Variants in ABCA2 observed in about 807,000 individuals in gnomAD.
ABCA2 encodes ATP-binding cassette sub-family A member 2.
ABCA2 carries 84 observed loss-of-function variants against 262.8 expected under a neutral mutation model. The observed-to-expected ratio is 0.32, with a 90% CI of 0.27 to 0.38. ABCA2 has a LOEUF of 0.38. ABCA2 is among the 10% of genes least tolerant of loss of function. The pLI, the probability that ABCA2 is intolerant of heterozygous loss-of-function variation, is 1.00. For missense variants in ABCA2, 2,662 were observed against 3,405.9 expected (o/e 0.78, Z 5.44); for synonymous variants, 1,696 against 1,502.9 (o/e 1.13, Z -2.97).
chr9:137,016,119 G>T lies in ABCA2; in HGVS notation c.3160C>A (p.His1054Asn), dbSNP rs776095869. The T allele has an allele frequency of 5.0e-6, 8 of 1,612,884 alleles. No homozygotes were observed. The highest frequency in any genetic ancestry group is 6.8e-6 in the Non-Finnish European group (8 of 1,180,016). The change falls in exon 22 of 49, where the codon CAC becomes AAC. Residue 1054 changes from histidine (H) to asparagine (N), a missense_variant. His to Asn is a moderately conservative substitution (Grantham distance 68). Around this residue, in one of 12 missense-constraint regions of ABCA2, gnomAD observed 180 missense variants for 307.3 expected, o/e 0.59. Transcript: ENST00000341511. ...PTSGSATIYG[H>N]DIRTEMDEIR... ...TCATCCATCTCCGTGCGGATGTCGT[G>T]CCCGTAGATGGTGGCGGAACCCGAC...
At chr9:137,028,622 C>T, upstream of ABCA2, 1 of 1,088,062 alleles carries the variant, frequency 9.2e-7, no homozygotes, top group Non-Finnish European at 1.1e-6. The surrounding 1 kb of genome is among the most constrained non-coding windows in gnomAD (Gnocchi z 6.9). Flanking sequence ...GTCCCCGGGG[C>T]GCGCCGAGCG....
intron 44 of ABCA2, 39 bp downstream of exon 44, chr9:137,009,502 T>A: frequency 7.0e-7 from 1 of 1,428,388 alleles, no homozygotes; most frequent in Admixed American, 1.7e-5. Flanking sequence ...AGGGGTGCTG[T>A]GGGGTGGGGG....
In ABCA2 at chr9:137,009,967, C is replaced by A; in HGVS notation, c.6495+16G>T. 11 of 1,594,650 alleles carry A rather than the reference C, an allele frequency of 6.9e-6. No individual in the cohort carries two copies. Among genetic ancestry groups the A allele is most frequent in the Non-Finnish European group, 9.4e-6 (11 of 1,169,370 alleles). On this transcript the variant is annotated intron_variant, in intron 42 of 48. Transcript: ENST00000341511. ...CCCAGCGTGCTGACTCCCTGCCCCGCCCCACAGATCCTCACCCGGGCCTCG... is the reference window on the plus strand; with the variant it reads ...CCCAGCGTGCTGACTCCCTGCCCCGACCCACAGATCCTCACCCGGGCCTCG...
chr9:137,020,233 T>C, intron 10 of ABCA2, 103 bp downstream of exon 10: 1 of 1,507,878 alleles, frequency 6.6e-7, no homozygotes, highest in Non-Finnish European at 9.1e-7. Flanking sequence ...CCCGTACCCC[T>C]CCCGTGTCAA....
At chr9:137,010,446 C>T (rs867093314) in intron 40 of ABCA2, 75 bp from the exon 41 acceptor site, 19 of 1,507,590 alleles carry the variant, frequency 1.3e-5, no homozygotes, top group Non-Finnish European at 1.7e-5. Context: ...CACCCAGACC[C>T]TGCCCCACCT....
chr9:137,012,122 G>C lies in ABCA2; in HGVS notation c.5340C>G (p.Ala1780=), dbSNP rs568344046. The part of the protein sequence containing the change: ...VTNHPMNKTS[A]SLSLDYLLQG... ...CTTACAGGTAATCCAGGGAGAGGCT[G>C]GCGCTGGTCTTATTCATGGGGTGGT... is the stretch of plus-strand genomic sequence containing the variant. The change falls in exon 34 of 49, where the codon GCC becomes GCG. Residue 1780 remains alanine, a synonymous_variant. Transcript: ENST00000341511. 1 of 1,612,624 alleles carries C rather than the reference G, an allele frequency of 6.2e-7. No individual in the cohort carries two copies. The highest frequency in any genetic ancestry group is 1.7e-5 in the Admixed American group (1 of 60,024).
chr9:137,014,937 C>T lies in ABCA2; in HGVS notation c.3858G>A (p.Lys1286=). The change falls in exon 25 of 49, where the codon AAG becomes AAA. Residue 1286 remains lysine (K), a synonymous_variant. Transcript: ENST00000341511. ...CCTGGAAGAGGCGCTCGAAAGCCCCCTTCTTGGCGGCCTCGCTGGGCAGGA... is the reference window on the plus strand; with the variant it reads ...CCTGGAAGAGGCGCTCGAAAGCCCCTTTCTTGGCGGCCTCGCTGGGCAGGA... ...SYILPSEAAK[K]GAFERLFQHL... is the part of the protein sequence containing the mutation. 2 of 1,566,622 alleles carry T rather than the reference C, an allele frequency of 1.3e-6. No individual in the cohort carries two copies. Among genetic ancestry groups the T allele is most frequent in the Non-Finnish European group, 8.7e-7 (1 of 1,153,238 alleles).
chr9:137,014,564 G>T, intron 26 of ABCA2, 126 bp downstream of exon 26: 1 of 1,481,572 alleles, frequency 6.7e-7, no homozygotes. Flanking sequence ...GCTAACCCCG[G>T]GGCGTCCCCT....
At chr9:137,015,218 A>G (rs1322229515) in intron 24 of ABCA2, 121 bp from the exon 25 acceptor site, 4 of 1,269,796 alleles carry the variant, frequency 3.2e-6, no homozygotes, top group Non-Finnish European at 4.3e-6. Context: ...CCCAGCAGGT[A>G]TCCTGGGCCC....
intron 10 of ABCA2, 68 bp downstream of exon 10, chr9:137,020,268 G>GGTCCCAGGC (rs780597871): frequency 8.1e-6 from 13 of 1,596,294 alleles, no homozygotes; most frequent in Non-Finnish European, 8.5e-6. Flanking sequence ...TCTGCCCAGG[G>GGTCCCAGGC]GTCCCAGGCC....
chr9:137,023,442 G>A, intron 3 of ABCA2: 1 of 713,204 alleles, frequency 1.4e-6, no homozygotes, highest in Non-Finnish European at 2.6e-6. Context: ...CTGACCTCTG[G>A]CCAGCTGGTT....
In ABCA2 at chr9:137,021,154, GAC is replaced by G. The variant is rs1831441364; in HGVS notation, c.898-95_898-94del. The G allele has an allele frequency of 7.0e-7, 1 of 1,427,792 alleles. No homozygotes were observed. The highest frequency in any genetic ancestry group is 9.2e-7 in the Non-Finnish European group (1 of 1,090,938). The allele number at this position is 1,427,792 out of a possible 1,614,324, so 88.4% of individuals were successfully genotyped here. Reference sequence around the variant, plus strand: ...TGGAGCAGGGAGACAGCAGCAGGGAGACACAAGCTAGGGGTGCTGGGAGGGAG... The same window carrying G: ...TGGAGCAGGGAGACAGCAGCAGGGAGACAAGCTAGGGGTGCTGGGAGGGAG... On this transcript the variant is annotated intron_variant, in intron 8 of 48. Coordinates refer to ENST00000341511, the MANE Select transcript of ABCA2 (RefSeq NM_001606.5). The surrounding 1 kb of genome is among the most constrained non-coding windows in gnomAD (Gnocchi z 6.0).
chr9:137,019,424 C>CATT lies in ABCA2; in HGVS notation c.1426-119_1426-118insAAT. On this transcript the variant is annotated intron_variant, in intron 10 of 48. Transcript: ENST00000341511. The surrounding 1 kb of genome is among the most constrained non-coding windows in gnomAD (Gnocchi z 4.4). ...ATTGCCAACAACTAACCCTCCCCAC[C>CATT]TTTTTTTTTTTTTTTTTCCTGAGAC... 1 of 906,380 alleles carries CATT rather than the reference C, an allele frequency of 1.1e-6. No individual in the cohort carries two copies. The highest frequency in any genetic ancestry group is 1.6e-6 in the Non-Finnish European group (1 of 638,556). The allele number at this position is 906,380 out of a possible 1,614,324, so 56.1% of individuals were successfully genotyped here. A position where few individuals can be genotyped will look rare whatever the true frequency, so the allele number is the denominator to read the frequency against.
chr9:137,028,775 A>G (rs1831755047), upstream of ABCA2: 1 of 1,288,548 alleles, frequency 7.8e-7, no homozygotes, highest in Non-Finnish European at 1.0e-6. The surrounding 1 kb of genome is among the most constrained non-coding windows in gnomAD (Gnocchi z 6.9). Context: ...CAGCCAGCGG[A>G]AGGGGGGAAA....
At chr9:137,023,726 G>C (rs1245860796) in intron 3 of ABCA2, 112 bp downstream of exon 3, 2 of 708,032 alleles carry the variant, frequency 2.8e-6, no homozygotes, top group Non-Finnish European at 5.3e-6. Flanking sequence ...GGCCGGCAGG[G>C]GGCCCGGGAG....
intron 17 of ABCA2, 75 bp from the exon 18 acceptor site, chr9:137,017,421 CA>C: frequency 1.2e-6 from 2 of 1,601,876 alleles, no homozygotes; most frequent in Non-Finnish European, 1.7e-6. Context: ...TGCCAGGGTC[CA>C]GGGGGCTCTG....
In ABCA2 at chr9:137,016,690, T is replaced by G. The variant is rs368677938; in HGVS notation, c.2807A>C (p.Tyr936Ser). Residue 936 changes from tyrosine to serine, a missense_variant, in exon 20 of 49, where the codon TAC becomes TCC. Around this residue, in one of 12 missense-constraint regions of ABCA2, gnomAD observed 133 missense variants for 150.8 expected, o/e 0.88. Transcript: ENST00000341511. Reference sequence around the variant, plus strand: ...TTCTGTCCGCCCACTGCCCAGCCAGTAGGACTTCTGCAGTGGGAAGTACCA... The same window carrying G: ...TTCTGTCCGCCCACTGCCCAGCCAGGAGGACTTCTGCAGTGGGAAGTACCA... ...RPWYFPLQKS[Y>S]WLGSGRTEAW... is the part of the protein sequence containing the mutation. 6 of 1,590,290 alleles carry G rather than the reference T, an allele frequency of 3.8e-6. No homozygotes were observed. In the African/African-American group the frequency reaches 8.1e-5, roughly 21 times the overall value.
Position 137,017,199 on chromosome 9 carries a change from G to A in ABCA2, c.2550C>T (p.Ile850=), listed in dbSNP as rs773337863. ...CCCGCCTGCCCGCGACCCTCACCGC[G>A]ATGCACTTCTCGAAGGCCGTGATCT... ...HDKITAFEKC[I]ASLMSTTAFG... The change falls in exon 18 of 49, where the codon ATC becomes ATT. Residue 850 remains isoleucine, a synonymous_variant. Coordinates refer to ENST00000341511, the MANE Select transcript of ABCA2 (RefSeq NM_001606.5). 45 of 1,612,382 alleles carry A rather than the reference G, an allele frequency of 2.8e-5. No individual in the cohort carries two copies. The highest frequency in any genetic ancestry group is 1.4e-4 in the South Asian group (13 of 91,082).
In ABCA2 at chr9:137,009,341, AGCCCACCCCTGGCCCT is replaced by A; in HGVS notation, c.6827+13_6827+28del. 1 of 260,378 alleles carries A rather than the reference AGCCCACCCCTGGCCCT, an allele frequency of 3.8e-6. No homozygotes were observed. Among genetic ancestry groups the A allele is most frequent in the East Asian group, 7.8e-5 (1 of 12,868 alleles). The allele number at this position is 260,378 out of a possible 1,614,324, so 16.1% of individuals were successfully genotyped here. On this transcript the variant is annotated intron_variant, in intron 45 of 48. Transcript: ENST00000341511. ...TGGCCGCCCCCCCCGGGCCCGCCCCAGCCCACCCCTGGCCCTGCCCCGGCTCACCGGTTCTTCAGGT... is the reference window on the plus strand; with the variant it reads ...TGGCCGCCCCCCCCGGGCCCGCCCCAGCCCCGGCTCACCGGTTCTTCAGGT...
Sources: allele counts gnomAD v4.1 joint callset, GRCh38; gene constraint gnomAD v4.1.1; regional missense constraint gnomAD v4.1.1; non-coding constraint Gnocchi (gnomAD v3.1); transcripts MANE v1.5; gene names NCBI Gene and HGNC (gene_info 2026-07-23, HGNC 2026-07-21).